The following PTPRD variants were observed in gnomAD, a reference collection of about 807,000 sequenced individuals.
The protein encoded by PTPRD is protein tyrosine phosphatase receptor type D, also known as receptor-type tyrosine-protein phosphatase delta.
PTPRD carries 34 observed loss-of-function variants against 214.5 expected under a neutral mutation model. The observed-to-expected ratio is 0.16, with a 90% CI of 0.12 to 0.21. The LOEUF is 0.21. PTPRD is among the 10% of genes least tolerant of loss of function. The pLI is 1.00. For synonymous variants in PTPRD, 1,128 were observed against 845.7 expected (o/e 1.33, Z -5.79); for missense variants, 2,545 against 2,398.7 (o/e 1.06, Z -1.27).
chr9:10,579,932 C>A (rs1277142927), intron 2 of PTPRD, among the ~76,000 whole-genome samples: 3 of 151,742 alleles, frequency 2.0e-5, no homozygotes, highest in African/African-American at 7.3e-5. Context: ...CTATTCATGC[C>A]CTTTGTCAAT....
intron 3 of PTPRD, among the ~76,000 whole-genome samples, chr9:10,206,330 G>A (rs1564520422): frequency 6.6e-6 from 1 of 152,106 alleles, no homozygotes; most frequent in Non-Finnish European, 1.5e-5. Context: ...TCATACCAAA[G>A]AATCTCTGCT....
At chr9:8,995,058 C>T (rs994535001) in intron 11 of PTPRD, among the ~76,000 whole-genome samples, 1 of 151,874 alleles carries the variant, frequency 6.6e-6, no homozygotes, top group Non-Finnish European at 1.5e-5. Context: ...GGTAGAAAAA[C>T]CTGTTCAAGA....
intron 9 of PTPRD, among the ~76,000 whole-genome samples, chr9:9,287,321 C>T (rs4146134): frequency 0.73 from 109,942 of 151,580 alleles, 40,139 homozygotes; most frequent in Middle Eastern, 0.8. Flanking sequence ...ATGTGTCTAA[C>T]TACTATTTCA....
chr9:8,911,024 A>G (rs1171835601), intron 11 of PTPRD, among the ~76,000 whole-genome samples: 3 of 152,208 alleles, frequency 2.0e-5, no homozygotes, highest in Non-Finnish European at 4.4e-5. Context: ...TTCTCGTTCA[A>G]ACTTATCTGT....
In PTPRD at chr9:8,862,608, G is replaced by A. The variant is rs529495468; in HGVS notation, c.-103-128662C>T. Among the ~76,000 whole-genome samples the A allele has an allele frequency of 2.7e-3, 406 of 152,284 alleles. 8 individuals carry two copies. Among genetic ancestry groups the A allele is most frequent in the Non-Finnish European group, 3.3e-3 (227 of 68,018 alleles). ...CCAAAGATTCTTTACAAACAAGTGGGCTTCCAGTAGAAAAGGAGGCAGCTG... is the reference window on the plus strand; with the variant it reads ...CCAAAGATTCTTTACAAACAAGTGGACTTCCAGTAGAAAAGGAGGCAGCTG... On this transcript the variant is annotated intron_variant, in intron 11 of 45. Transcript: ENST00000381196.
At chr9:10,026,663 A>G (rs149877288) in intron 4 of PTPRD, among the ~76,000 whole-genome samples, 1 of 152,268 alleles carries the variant, frequency 6.6e-6, no homozygotes, top group Non-Finnish European at 1.5e-5. Context: ...CACTGTCAGT[A>G]ATTGTAAACA....
chr9:10,037,903 C>T (rs1220666684), intron 3 of PTPRD, among the ~76,000 whole-genome samples: 1 of 152,100 alleles, frequency 6.6e-6, no homozygotes, highest in East Asian at 1.9e-4. Flanking sequence ...TTATGTTCTT[C>T]ATTTTATTTT....
At chr9:8,747,947 A>T (rs2093023321) in intron 11 of PTPRD, among the ~76,000 whole-genome samples, 1 of 152,182 alleles carries the variant, frequency 6.6e-6, no homozygotes, top group Non-Finnish European at 1.5e-5. Flanking sequence ...TGTCTCTTCC[A>T]GAATCGAAGC....
chr9:9,199,425 C>G (rs2099940575), intron 9 of PTPRD, among the ~76,000 whole-genome samples: 1 of 152,068 alleles, frequency 6.6e-6, no homozygotes, highest in African/African-American at 2.4e-5. Flanking sequence ...GAGTCCTTAA[C>G]CAGAAAACTC....
chr9:10,291,028 C>CT (rs546852022), intron 3 of PTPRD, among the ~76,000 whole-genome samples: 2,270 of 130,590 alleles, frequency 0.017, 40 homozygotes, highest in Admixed American at 0.046. Context: ...AGAATCTACA[C>CT]TTTTTTTTTT....
intron 14 of PTPRD, among the ~76,000 whole-genome samples, chr9:8,575,849 A>G (rs943859013): frequency 6.6e-6 from 1 of 152,208 alleles, no homozygotes; most frequent in East Asian, 1.9e-4. Flanking sequence ...ACCATGTGCT[A>G]AACACTGCAC....
At chr9:10,081,234 T>A (rs891435295) in intron 3 of PTPRD, among the ~76,000 whole-genome samples, 1 of 152,136 alleles carries the variant, frequency 6.6e-6, no homozygotes, top group African/African-American at 2.4e-5. Context: ...AATACTACTG[T>A]AATATAGCAG....
intron 10 of PTPRD, among the ~76,000 whole-genome samples, chr9:9,175,100 G>C (rs1485199252): frequency 6.6e-6 from 1 of 152,098 alleles, no homozygotes; most frequent in East Asian, 1.9e-4. Flanking sequence ...CAGCACTTTG[G>C]TCTTAGACTT....
At chr9:10,040,945 G>A (rs974217881) in intron 3 of PTPRD, among the ~76,000 whole-genome samples, 3 of 152,064 alleles carry the variant, frequency 2.0e-5, no homozygotes, top group African/African-American at 7.2e-5. Flanking sequence ...TAATGTGGGT[G>A]AGACTGCTTT....
At chr9:9,470,625 A>G (rs1390141311) in intron 8 of PTPRD, among the ~76,000 whole-genome samples, 1 of 152,210 alleles carries the variant, frequency 6.6e-6, no homozygotes, top group Non-Finnish European at 1.5e-5. Context: ...GCATGGCTCC[A>G]TTTTGATTGG....
At chr9:10,077,663 T>C (rs1310553335) in intron 3 of PTPRD, among the ~76,000 whole-genome samples, 2 of 152,098 alleles carry the variant, frequency 1.3e-5, no homozygotes, top group Non-Finnish European at 2.9e-5. Flanking sequence ...CTCTCTCAAG[T>C]AGGCACCCAT....
chr9:10,546,942 G>C (rs2060290799), intron 2 of PTPRD, among the ~76,000 whole-genome samples: 1 of 152,058 alleles, frequency 6.6e-6, no homozygotes, highest in African/African-American at 2.4e-5. Flanking sequence ...GACCAGCACT[G>C]TACAGGTAAG....
At chr9:8,521,623 G>A (rs999511415) in intron 19 of PTPRD, 77 bp from the exon 20 acceptor site, 21 of 1,455,630 alleles carry the variant, frequency 1.4e-5, no homozygotes, top group African/African-American at 2.8e-5. Flanking sequence ...GACATGCACC[G>A]TACAGACACG....
chr9:8,946,992 C>A (rs2099068880), intron 11 of PTPRD, among the ~76,000 whole-genome samples: 1 of 140,174 alleles, frequency 7.1e-6, no homozygotes, highest in Non-Finnish European at 1.6e-5. Flanking sequence ...CTTTCTCAAG[C>A]TTTCTATCTC....
Sources: gnomAD v4.1 joint callset for allele counts (sites outside exome capture counted in the v4.1 genomes callset) on GRCh38, gnomAD v4.1.1 for gene constraint, MANE v1.5 for transcripts, NCBI Gene and HGNC (gene_info 2026-07-23, HGNC 2026-07-21) for gene names.